The following PLD5 variants were observed in gnomAD, a reference collection of about 807,000 sequenced individuals.
The protein encoded by PLD5 is inactive phospholipase D5.
A neutral mutation model predicts 61.1 loss-of-function variants in PLD5; 36 were observed. The ratio of observed to expected loss-of-function variants is 0.59; its 90% CI spans 0.45 to 0.78. The LOEUF is 0.78. Ranked by LOEUF, PLD5 falls within the 30% of genes least tolerant of loss-of-function variation. The pLI, the probability that PLD5 is intolerant of heterozygous loss-of-function variation, is 0.00. For synonymous variants in PLD5, 243 were observed against 242.8 expected (o/e 1.00, Z -0.01); for missense variants, 515 against 644.4 (o/e 0.80, Z 2.17).
At chr1:242,168,846 GTTTTTTTT>G (rs34280777) in intron 5 of PLD5, among the ~76,000 whole-genome samples, 1 of 111,266 alleles carries the variant, frequency 9.0e-6, no homozygotes, top group African/African-American at 3.7e-5. Flanking sequence ...AATTAATGAA[GTTTTTTTT>G]TTTTTTTTTT....
intron 5 of PLD5, among the ~76,000 whole-genome samples, chr1:242,147,021 G>A (rs1368312391): frequency 1.3e-5 from 2 of 152,090 alleles, no homozygotes; most frequent in Non-Finnish European, 2.9e-5. Context: ...CATTTATATT[G>A]AGGTACAATT....
In PLD5 at chr1:242,373,550, G is replaced by A. The variant is rs567168524; in HGVS notation, c.190-25308C>T. ...CAATAGCAGAGACCTGGAACCAACC[G>A]AAATGTCCATCAATGATAGACTGGA... is the stretch of plus-strand genomic sequence containing the variant. On this transcript the variant is annotated intron_variant, in intron 1 of 9. Coordinates refer to ENST00000536534, the MANE Select transcript of PLD5 (RefSeq NM_001372062.1). Among the ~76,000 whole-genome samples the A allele has an allele frequency of 4.0e-4, 61 of 152,218 alleles. 1 individual carries two copies. In the South Asian group the frequency reaches 8.1e-3, roughly 20 times the overall value.
intron 5 of PLD5, among the ~76,000 whole-genome samples, chr1:242,151,952 A>G (rs1664959706): frequency 6.6e-6 from 1 of 152,122 alleles, no homozygotes; most frequent in South Asian, 2.1e-4. Flanking sequence ...TAACAACTTG[A>G]AAATCTATAG....
In PLD5 at chr1:242,232,287, A is replaced by G. The variant is rs6666193; in HGVS notation, c.608-12172T>C. Among the ~76,000 whole-genome samples the G allele has an allele frequency of 6.8e-3, 1,031 of 152,334 alleles. 13 individuals carry two copies. The highest frequency in any genetic ancestry group is 0.024 in the African/African-American group (990 of 41,572). On this transcript the variant is annotated intron_variant, in intron 4 of 9. Transcript: ENST00000536534. ...AACTTGAATTACACCAGATATTTTA[A>G]TAGTAACAGAAAACTGGAAAATAGT...
At chr1:242,319,166 C>A (rs1298447988) in intron 2 of PLD5, among the ~76,000 whole-genome samples, 3 of 151,990 alleles carry the variant, frequency 2.0e-5, no homozygotes, top group African/African-American at 4.8e-5. Context: ...AACCTGAAGA[C>A]AATACTGAAT....
At chr1:242,096,290 C>T (rs1456641589) in intron 9 of PLD5, among the ~76,000 whole-genome samples, 1 of 151,652 alleles carries the variant, frequency 6.6e-6, no homozygotes, top group African/African-American at 2.4e-5. Flanking sequence ...ACCAGAAGGT[C>T]AGAAGTATCG....
At chr1:242,115,810 AG>A (rs1419414920) in intron 6 of PLD5, among the ~76,000 whole-genome samples, 1 of 152,246 alleles carries the variant, frequency 6.6e-6, no homozygotes, top group Non-Finnish European at 1.5e-5. Flanking sequence ...GAGCCAGAGA[AG>A]AAGGATGTTC....
chr1:242,399,678 C>A (rs1663810990), intron 1 of PLD5, among the ~76,000 whole-genome samples: 2 of 152,054 alleles, frequency 1.3e-5, no homozygotes, highest in Non-Finnish European at 2.9e-5. Flanking sequence ...CGGGGGTCCC[C>A]AATCCCCGGG....
At chr1:242,227,954 T>C (rs1359394540) in intron 4 of PLD5, among the ~76,000 whole-genome samples, 1 of 152,218 alleles carries the variant, frequency 6.6e-6, no homozygotes, top group Admixed American at 6.5e-5. Flanking sequence ...TAAAGAATTA[T>C]TTATTATCAC....
intron 2 of PLD5, among the ~76,000 whole-genome samples, chr1:242,347,261 G>A (rs1025936197): frequency 2.8e-4 from 42 of 152,210 alleles, no homozygotes; most frequent in Non-Finnish European, 5.6e-4. Flanking sequence ...AGCTAGGAAA[G>A]TTGGGGGGTG....
chr1:242,481,016 T>A (rs566258420), intron 1 of PLD5, among the ~76,000 whole-genome samples: 43 of 152,332 alleles, frequency 2.8e-4, no homozygotes, highest in African/African-American at 1.0e-3. Flanking sequence ...CCAGTGATTC[T>A]AATCCTAGAT....
chr1:242,173,385 T>A (rs1283390604), intron 5 of PLD5, among the ~76,000 whole-genome samples: 2 of 152,122 alleles, frequency 1.3e-5, no homozygotes, highest in East Asian at 3.9e-4. Context: ...AAACCACTGT[T>A]CAACGAAATA....
chr1:242,411,397 G>A (rs537333968), intron 1 of PLD5, among the ~76,000 whole-genome samples: 9 of 152,178 alleles, frequency 5.9e-5, no homozygotes, highest in South Asian at 2.1e-4. Context: ...CACCACGCCC[G>A]GCTAATTTTT....
chr1:242,118,030 C>T (rs1043344017), intron 6 of PLD5, among the ~76,000 whole-genome samples: 1 of 152,026 alleles, frequency 6.6e-6, no homozygotes, highest in Non-Finnish European at 1.5e-5. Context: ...TTTCCAAAAC[C>T]AGATTTTGGT....
chr1:242,410,526 T>C (rs73132321), intron 1 of PLD5, among the ~76,000 whole-genome samples: 5,025 of 152,274 alleles, frequency 0.033, 295 homozygotes, highest in African/African-American at 0.11. Context: ...ATACCTACTG[T>C]TGAGAGTTTT....
At chr1:242,265,194 G>T in intron 4 of PLD5, 143 bp downstream of exon 4, 1 of 1,118,032 alleles carries the variant, frequency 8.9e-7, no homozygotes, top group Non-Finnish European at 1.2e-6. Flanking sequence ...AACTTTAATC[G>T]AGTTATTTTT....
intron 1 of PLD5, 97 bp downstream of exon 1, chr1:242,523,991 C>T: frequency 7.5e-7 from 1 of 1,332,030 alleles, no homozygotes; most frequent in East Asian, 2.8e-5. Context: ...ATCCCCTCGC[C>T]TGCCCCCCGC....
rs1574454246 is a variant in PLD5 at position 242,175,165 on chromosome 1, C to A, written c.735+44823G>T. ...CACAGCAAAAAAAGAAAATTTCAGG[C>A]CAATATCCCTGATGAACATGGATGT... On this transcript the variant is annotated intron_variant, in intron 5 of 9. Transcript: ENST00000536534. Among the ~76,000 whole-genome samples, 2 of 152,254 alleles carry A rather than the reference C, an allele frequency of 1.3e-5. 1 individual carries two copies. The highest frequency in any genetic ancestry group is 4.1e-4 in the South Asian group (2 of 4,824).
intron 1 of PLD5, among the ~76,000 whole-genome samples, chr1:242,464,815 C>A (rs1308618045): frequency 2.6e-5 from 4 of 152,208 alleles, no homozygotes; most frequent in Admixed American, 2.6e-4. Flanking sequence ...AAATAGCACT[C>A]CACCCTAAAG....
Sources: gnomAD v4.1 joint callset for allele counts (sites outside exome capture counted in the v4.1 genomes callset) on GRCh38, gnomAD v4.1.1 for gene constraint, MANE v1.5 for transcripts, NCBI Gene and HGNC (gene_info 2026-07-23, HGNC 2026-07-21) for gene names.